The following CNTN1 variants were observed in gnomAD, a reference collection of about 807,000 sequenced individuals.
CNTN1 encodes the protein contactin 1, also known as contactin-1.
CNTN1 carries 38 observed loss-of-function variants against 126.4 expected under a neutral mutation model. The ratio of observed to expected loss-of-function variants is 0.30; its 90% CI spans 0.23 to 0.39. The LOEUF (loss-of-function observed/expected upper bound fraction) is 0.39, where lower values mean the gene tolerates loss of function less well. Among genes scored for constraint, CNTN1 ranks in the 10% least tolerant of loss-of-function variants. The pLI is 1.00. For missense variants in CNTN1, 1,009 were observed against 1,248.4 expected, an observed-to-expected ratio of 0.81 and a Z score of 2.89; for synonymous variants, 413 against 422.6, an observed-to-expected ratio of 0.98 and a Z score of 0.28.
intron 18 of CNTN1, among the ~76,000 whole-genome samples, chr12:41,016,240 A>G (rs1031567626): frequency 1.1e-4 from 16 of 152,228 alleles, no homozygotes; most frequent in African/African-American, 3.6e-4. Context: ...AAGTAGATAA[A>G]TAAGTAAACT....
intron 15 of CNTN1, among the ~76,000 whole-genome samples, chr12:40,975,126 T>C (rs1947634428): frequency 6.7e-6 from 1 of 149,952 alleles, no homozygotes; most frequent in African/African-American, 2.4e-5. Context: ...TGATTAGCTA[T>C]GTATCTCTGA....
At chr12:40,908,073 G>A (rs1014260023) in intron 1 of CNTN1, among the ~76,000 whole-genome samples, 3 of 152,216 alleles carry the variant, frequency 2.0e-5, no homozygotes, top group African/African-American at 7.2e-5. Flanking sequence ...ACATGATTGA[G>A]TGACACTCAT....
At chr12:40,976,147 G>A (rs1235233542) in intron 15 of CNTN1, among the ~76,000 whole-genome samples, 2 of 152,070 alleles carry the variant, frequency 1.3e-5, no homozygotes, top group African/African-American at 2.4e-5. Context: ...CAATATTAAT[G>A]TTAGTGAGAA....
chr12:40,732,847 C>G (rs1325564661), intron 1 of CNTN1, among the ~76,000 whole-genome samples: 2 of 152,024 alleles, frequency 1.3e-5, no homozygotes, highest in African/African-American at 4.8e-5. Context: ...TTCTTAATAT[C>G]AAAATGCTAA....
rs557970110 is a variant in CNTN1 at position 40,755,190 on chromosome 12, C to CAAAAAAAAAAAAAAAAAAAAAAA, written c.-77+62612_-77+62634dup. Among the ~76,000 whole-genome samples, 7 of 78,204 alleles carry CAAAAAAAAAAAAAAAAAAAAAAA rather than the reference C, an allele frequency of 9.0e-5. 1 individual carries two copies. Among genetic ancestry groups the CAAAAAAAAAAAAAAAAAAAAAAA allele is most frequent in the African/African-American group, 3.3e-4 (6 of 18,076 alleles). 51.3% of individuals were successfully genotyped at this position (78,204 alleles called of 152,430 possible). ...AGGGCAACAGAGTGAGACCCCACCT[C>CAAAAAAAAAAAAAAAAAAAAAAA]AAAAAAAAAAAAAAAAAAAAAAAAA... On this transcript the variant is annotated intron_variant, in intron 1 of 23. Transcript: ENST00000551295.
chr12:40,874,113 T>C (rs546472468), intron 1 of CNTN1, among the ~76,000 whole-genome samples: 48 of 152,264 alleles, frequency 3.2e-4, no homozygotes, highest in African/African-American at 1.1e-3. Context: ...AGCTCTACCA[T>C]TCCCAACCCA....
At chr12:40,760,206 A>G (rs1338054507) in intron 1 of CNTN1, among the ~76,000 whole-genome samples, 1 of 152,186 alleles carries the variant, frequency 6.6e-6, no homozygotes, top group Non-Finnish European at 1.5e-5. Flanking sequence ...GATTTTGAAT[A>G]TAAAATATAT....
At chr12:40,828,486 G>A (rs1941694292) in intron 1 of CNTN1, among the ~76,000 whole-genome samples, 1 of 152,018 alleles carries the variant, frequency 6.6e-6, no homozygotes, top group Non-Finnish European at 1.5e-5. Flanking sequence ...TGGACCATAG[G>A]GTATTTTATC....
Position 40,922,308 on chromosome 12 carries a change from G to A in CNTN1, c.280G>A (p.Val94Ile). The change falls in exon 5 of 24, where the codon GTA becomes ATA. Residue 94 changes from valine to isoleucine, a missense_variant. Physicochemically the swap from Val to Ile is conservative, Grantham distance 29. Coordinates refer to ENST00000551295, the MANE Select transcript of CNTN1 (RefSeq NM_001843.4). ...TCTCACAAGTGATCGATACAGTATG[G>A]TAGGAGGAAACCTTGTTATCAACAA... is the stretch of plus-strand genomic sequence containing the variant. ...VDLTSDRYSM[V>I]GGNLVINNPD... 6.2e-7 allele frequency: 1 copy of A among 1,614,014 alleles called. No individual in the cohort carries two copies. The highest frequency in any genetic ancestry group is 8.5e-7 in the Non-Finnish European group (1 of 1,179,922).
At chr12:40,749,350 C>A (rs1938305233) in intron 1 of CNTN1, among the ~76,000 whole-genome samples, 1 of 152,058 alleles carries the variant, frequency 6.6e-6, no homozygotes, top group South Asian at 2.1e-4. Context: ...TCACTGATTT[C>A]TTTGACTGAA....
intron 15 of CNTN1, among the ~76,000 whole-genome samples, chr12:40,960,227 T>C (rs890751455): frequency 6.6e-6 from 1 of 152,010 alleles, no homozygotes; most frequent in East Asian, 1.9e-4. Flanking sequence ...CATATATGTT[T>C]TTTTTTTAGT....
chr12:40,933,621 AAT>A, intron 8 of CNTN1, 61 bp downstream of exon 8: 2 of 1,529,498 alleles, frequency 1.3e-6, no homozygotes, highest in South Asian at 2.2e-5. Context: ...GGAAATAAAT[AAT>A]TGTTTAGCTA....
intron 1 of CNTN1, among the ~76,000 whole-genome samples, chr12:40,841,297 C>G (rs929420257): frequency 1.3e-5 from 2 of 151,904 alleles, no homozygotes; most frequent in South Asian, 2.1e-4. Context: ...TAAAAAGTCT[C>G]TCAACATAGA....
chr12:41,021,009 A>C (rs1256336563), intron 20 of CNTN1, among the ~76,000 whole-genome samples: 1 of 152,210 alleles, frequency 6.6e-6, no homozygotes, highest in Non-Finnish European at 1.5e-5. Flanking sequence ...GGGAGTAAAA[A>C]CTGGAAAATC....
chr12:40,692,888 C>T (rs1415315589), intron 1 of CNTN1, among the ~76,000 whole-genome samples: 1 of 152,272 alleles, frequency 6.6e-6, no homozygotes, highest in African/African-American at 2.4e-5. Flanking sequence ...CGGAGGCTGC[C>T]GCCGCCAGCG....
At chr12:40,944,298 A>C in intron 14 of CNTN1, 128 bp downstream of exon 14, 1 of 849,736 alleles carries the variant, frequency 1.2e-6, no homozygotes, top group Admixed American at 2.1e-5. Flanking sequence ...CAGGCAAAAA[A>C]GCTTTCTGTG....
At chr12:40,778,404 C>G (rs955663459) in intron 1 of CNTN1, among the ~76,000 whole-genome samples, 3 of 151,754 alleles carry the variant, frequency 2.0e-5, no homozygotes, top group African/African-American at 7.3e-5. Context: ...GGGTAGTTGT[C>G]ACAGAGACCA....
intron 1 of CNTN1, among the ~76,000 whole-genome samples, chr12:40,890,013 C>A (rs1944184956): frequency 6.6e-6 from 1 of 152,050 alleles, no homozygotes; most frequent in African/African-American, 2.4e-5. Context: ...CGATATTAAT[C>A]TCTAATACTA....
chr12:40,802,154 A>C (rs1375505553), intron 1 of CNTN1, among the ~76,000 whole-genome samples: 1 of 152,028 alleles, frequency 6.6e-6, no homozygotes. Flanking sequence ...CCAAGTAGAA[A>C]TATTAAGTGG....
Sources: allele counts gnomAD v4.1 joint callset (sites outside exome capture counted in the v4.1 genomes callset), GRCh38; gene constraint gnomAD v4.1.1; transcripts MANE v1.5; gene names NCBI Gene and HGNC (gene_info 2026-07-23, HGNC 2026-07-21).